Variants in TBC1D4 observed in about 807,000 individuals in gnomAD.
TBC1D4 encodes TBC1 domain family member 4, also known as TBC (Tre-2, BUB2, CDC16) domain-containing protein.
Under a neutral mutation model 142.5 loss-of-function variants are expected in TBC1D4, and 121 were observed. The ratio of observed to expected loss-of-function variants is 0.85; its 90% CI spans 0.73 to 0.99. The LOEUF is 0.99. TBC1D4 is among the 50% of genes least tolerant of loss of function. The probability of loss-of-function intolerance (pLI) is 0.00; values close to 1 mark genes in which losing one functional copy is unlikely to be tolerated. For synonymous variants in TBC1D4, 630 were observed against 628.2 expected (o/e 1.00, Z -0.04); for missense variants, 1,475 against 1,606.6 (o/e 0.92, Z 1.40).
intron 1 of TBC1D4, among the ~76,000 whole-genome samples, chr13:75,385,533 AAC>A (rs1296538504): frequency 6.6e-6 from 1 of 152,246 alleles, no homozygotes; most frequent in African/African-American, 2.4e-5. Context: ...AGACGCTGAT[AAC>A]AGCCTCTGCG....
At chr13:75,460,700 C>T (rs763918296) in intron 1 of TBC1D4, among the ~76,000 whole-genome samples, 5 of 152,048 alleles carry the variant, frequency 3.3e-5, no homozygotes, top group African/African-American at 7.2e-5. Flanking sequence ...GCGGAAGGAT[C>T]GCTTGATCCC....
chr13:75,451,655 G>A lies in TBC1D4; in HGVS notation c.498+29615C>T, dbSNP rs1251062726. Among the ~76,000 whole-genome samples, 3 of 149,692 alleles carry A rather than the reference G, an allele frequency of 2.0e-5. No homozygotes were observed. In the East Asian group the frequency reaches 5.8e-4, roughly 29 times the overall value. On this transcript the variant is annotated intron_variant, in intron 1 of 20. Coordinates refer to ENST00000377636, the MANE Select transcript of TBC1D4 (RefSeq NM_014832.5). ...TGATTGCACCACTGCACTCCAGCCT[G>A]GGTAATAGAACAAGTTCCTATCTCA...
chr13:75,326,850 G>A (rs1490791576), intron 9 of TBC1D4, among the ~76,000 whole-genome samples: 1 of 152,110 alleles, frequency 6.6e-6, no homozygotes, highest in Non-Finnish European at 1.5e-5. Context: ...GTATCTCCTG[G>A]CTTCCGTGAC....
intron 10 of TBC1D4, 141 bp downstream of exon 10, chr13:75,326,056 G>A (rs1879219927): frequency 1.1e-6 from 1 of 940,240 alleles, no homozygotes; most frequent in Admixed American, 2.0e-5. Flanking sequence ...TAGTAAATGA[G>A]GTAACTTAAT....
intron 1 of TBC1D4, among the ~76,000 whole-genome samples, chr13:75,465,729 A>G (rs1888138946): frequency 6.6e-6 from 1 of 152,152 alleles, no homozygotes; most frequent in Non-Finnish European, 1.5e-5. Context: ...GTAATTACTG[A>G]TAGAACAGAC....
intron 1 of TBC1D4, among the ~76,000 whole-genome samples, chr13:75,477,357 A>G (rs1478568025): frequency 6.6e-6 from 1 of 152,210 alleles, no homozygotes; most frequent in Non-Finnish European, 1.5e-5. Context: ...GAGAGTTGGG[A>G]AAACACTGGC....
intron 1 of TBC1D4, among the ~76,000 whole-genome samples, chr13:75,430,514 C>T (rs796518700): frequency 4.6e-5 from 7 of 152,104 alleles, no homozygotes; most frequent in South Asian, 2.1e-4. Context: ...GTCACACTAC[C>T]GGAATTTATA....
intron 8 of TBC1D4, among the ~76,000 whole-genome samples, chr13:75,332,318 A>G (rs2328939): frequency 0.8 from 121,195 of 152,208 alleles, 49,662 homozygotes; most frequent in South Asian, 0.95. Flanking sequence ...GTGTTAATAT[A>G]TCCATTTCAC....
chr13:75,374,633 T>A (rs1425358814), intron 1 of TBC1D4, among the ~76,000 whole-genome samples: 1 of 152,188 alleles, frequency 6.6e-6, no homozygotes, highest in Non-Finnish European at 1.5e-5. Context: ...ACAGTTAGCC[T>A]GTATAATGTG....
At chr13:75,397,856 C>T (rs2138334709) in intron 1 of TBC1D4, among the ~76,000 whole-genome samples, 1 of 152,276 alleles carries the variant, frequency 6.6e-6, no homozygotes, top group Middle Eastern at 3.4e-3. Flanking sequence ...TATCTGCTTC[C>T]CTGGTTAGGT....
rs192362999 is a variant in TBC1D4 at position 75,433,065 on chromosome 13, A to G, written c.498+48205T>C. Among the ~76,000 whole-genome samples, 51 of 152,240 alleles carry G rather than the reference A, an allele frequency of 3.3e-4. 1 individual carries two copies. In the East Asian group the frequency reaches 9.1e-3, roughly 27 times the overall value. Reference sequence around the variant, plus strand: ...TACACAATACAAAAGAGCCTACCCTACTTCACTTACACTTATTGCCTCAAC... The same window carrying G: ...TACACAATACAAAAGAGCCTACCCTGCTTCACTTACACTTATTGCCTCAAC... On this transcript the variant is annotated intron_variant, in intron 1 of 20. Transcript: ENST00000377636.
chr13:75,356,377 G>C, intron 3 of TBC1D4, 126 bp from the exon 4 acceptor site: 1 of 740,570 alleles, frequency 1.4e-6, no homozygotes, highest in Non-Finnish European at 2.4e-6. Context: ...CAGCAATGAA[G>C]GGGGGACATA....
At chr13:75,403,576 A>G (rs1885200232) in intron 1 of TBC1D4, among the ~76,000 whole-genome samples, 1 of 152,234 alleles carries the variant, frequency 6.6e-6, no homozygotes, top group South Asian at 2.1e-4. Context: ...TAAAGCAAAT[A>G]CAAAGAAAAT....
intron 1 of TBC1D4, among the ~76,000 whole-genome samples, chr13:75,419,326 G>A (rs1275817501): frequency 6.6e-6 from 1 of 152,074 alleles, no homozygotes; most frequent in African/African-American, 2.4e-5. Context: ...GGAGGAAAAA[G>A]GAGCTGTTGA....
chr13:75,338,435 C>T (rs1880405402), intron 7 of TBC1D4, among the ~76,000 whole-genome samples: 1 of 152,040 alleles, frequency 6.6e-6, no homozygotes, highest in Non-Finnish European at 1.5e-5. Flanking sequence ...ATATCTGACA[C>T]ATAGTAACTG....
chr13:75,481,860 G>A lies in TBC1D4; in HGVS notation c.-93C>T. 1 of 1,377,432 alleles carries A rather than the reference G, an allele frequency of 7.3e-7. No homozygotes were observed. The highest frequency in any genetic ancestry group is 9.3e-7 in the Non-Finnish European group (1 of 1,072,838). The allele number at this position is 1,377,432 out of a possible 1,614,324, so 85.3% of individuals were successfully genotyped here. ...AGGCGCCGCCGAAACTGTGCCAACT[G>A]CCGCACCGGGCTCCCGCGCCTGCCT... is the stretch of plus-strand genomic sequence containing the variant. On this transcript the variant is annotated 5_prime_UTR_variant, in exon 1 of 21. Coordinates refer to ENST00000377636, the MANE Select transcript of TBC1D4 (RefSeq NM_014832.5).
intron 5 of TBC1D4, among the ~76,000 whole-genome samples, chr13:75,344,631 C>T (rs559428250): frequency 2.0e-5 from 3 of 152,144 alleles, no homozygotes; most frequent in Non-Finnish European, 2.9e-5. Context: ...TGGGAAACAG[C>T]ATTCCCCTTC....
chr13:75,347,912 G>T (rs1397263935), intron 5 of TBC1D4, among the ~76,000 whole-genome samples: 1 of 152,280 alleles, frequency 6.6e-6, no homozygotes. Context: ...AGGACAGGAG[G>T]ATTGCTTGAG....
At chr13:75,312,717 C>T (rs1245397778) in intron 13 of TBC1D4, 21 bp downstream of exon 13, 5 of 1,613,994 alleles carry the variant, frequency 3.1e-6, no homozygotes, top group Non-Finnish European at 2.5e-6. Context: ...GGATAAATTC[C>T]TTAGGGAGTG....
Sources: gnomAD v4.1 joint callset for allele counts (sites outside exome capture counted in the v4.1 genomes callset) on GRCh38, gnomAD v4.1.1 for gene constraint, MANE v1.5 for transcripts, NCBI Gene and HGNC (gene_info 2026-07-23, HGNC 2026-07-21) for gene names.